Variants in MPP7 observed in about 807,000 individuals in gnomAD.
The protein encoded by MPP7 is MAGUK p55 scaffold protein 7, also known as MAGUK p55 subfamily member 7.
A neutral mutation model predicts 76.5 loss-of-function variants in MPP7; 60 were observed. The observed-to-expected ratio is 0.78, with a 90% confidence interval of 0.64 to 0.97. MPP7 has a LOEUF of 0.97. Among genes scored for constraint, MPP7 ranks in the 50% least tolerant of loss-of-function variants. The pLI is 0.00. For synonymous variants in MPP7, 237 were observed against 244.5 expected, an observed-to-expected ratio of 0.97 and a Z score of 0.29; for missense variants, 641 against 694.0, an observed-to-expected ratio of 0.92 and a Z score of 0.86.
chr10:28,248,874 T>C (rs1283908809), intron 1 of MPP7, among the ~76,000 whole-genome samples: 1 of 152,114 alleles, frequency 6.6e-6, no homozygotes, highest in African/African-American at 2.4e-5. Context: ...TTTGCCTAAG[T>C]GCACTCTAGG....
intron 2 of MPP7, among the ~76,000 whole-genome samples, chr10:28,327,744 T>G (rs1182982179): frequency 6.6e-6 from 1 of 152,216 alleles, no homozygotes; most frequent in East Asian, 1.9e-4. Flanking sequence ...TATTCCCAAA[T>G]CAGGGCCTGG....
chr10:28,150,181 C>A, intron 3 of MPP7, 122 bp from the exon 4 acceptor site: 1 of 674,046 alleles, frequency 1.5e-6, no homozygotes, highest in African/African-American at 1.8e-5. Context: ...ATGTTTATGA[C>A]ATATTACACA....
intron 2 of MPP7, among the ~76,000 whole-genome samples, chr10:28,210,761 G>A (rs1256033244): frequency 6.6e-6 from 1 of 152,174 alleles, no homozygotes; most frequent in African/African-American, 2.4e-5. Context: ...CTGGCTGTAT[G>A]AAATTATAAA....
chr10:28,234,723 C>A (rs1839010083), intron 2 of MPP7, among the ~76,000 whole-genome samples: 1 of 152,188 alleles, frequency 6.6e-6, no homozygotes, highest in Admixed American at 6.5e-5. Flanking sequence ...GGAATCCTTA[C>A]AATATACCTA....
At chr10:28,277,855 G>C (rs886838793) in intron 1 of MPP7, among the ~76,000 whole-genome samples, 1 of 151,968 alleles carries the variant, frequency 6.6e-6, no homozygotes, top group South Asian at 2.1e-4. Flanking sequence ...GGGATTCGAA[G>C]GTAAGTCCAC....
At chr10:28,054,357 T>C in intron 16 of MPP7, 113 bp from the exon 17 acceptor site, 1 of 623,988 alleles carries the variant, frequency 1.6e-6, no homozygotes. Flanking sequence ...GTTCAGTCTT[T>C]CCCCTCAGCC....
At chr10:28,118,629 A>C in intron 11 of MPP7, 9 of 985,420 alleles carry the variant, frequency 9.1e-6, no homozygotes, top group Non-Finnish European at 1.1e-5. Flanking sequence ...TGATGTCAGA[A>C]GACTTGTAGC....
In MPP7 at chr10:28,124,092, A is replaced by C; in HGVS notation, c.554T>G (p.Leu185Arg). The change falls in exon 8 of 17, where the codon CTT becomes CGT. Residue 185 changes from leucine to arginine, a missense_variant. Transcript: ENST00000683449. ...CACTGGTATCCCGTTGACTTCCCTA[A>C]GTTCATCACCAACATGAATAAGACC... is the stretch of plus-strand genomic sequence containing the variant. ...RSGLIHVGDE[L>R]REVNGIPVED... 1 of 1,611,860 alleles carries C rather than the reference A, an allele frequency of 6.2e-7. No individual in the cohort carries two copies. The highest frequency in any genetic ancestry group is 8.5e-7 in the Non-Finnish European group (1 of 1,178,070).
intron 11 of MPP7, among the ~76,000 whole-genome samples, chr10:28,111,292 A>C (rs1408232311): frequency 1.3e-5 from 2 of 152,210 alleles, no homozygotes; most frequent in African/African-American, 2.4e-5. Flanking sequence ...ATGTTTCAAA[A>C]TTATCAGTCA....
intron 11 of MPP7, among the ~76,000 whole-genome samples, chr10:28,103,664 G>C (rs563128369): frequency 1.4e-4 from 21 of 152,170 alleles, no homozygotes; most frequent in African/African-American, 5.1e-4. Flanking sequence ...AAAAGTACTA[G>C]AAAAGGAGGA....
intron 5 of MPP7, among the ~76,000 whole-genome samples, chr10:28,136,445 A>C (rs1835356731): frequency 6.6e-6 from 1 of 152,144 alleles, no homozygotes; most frequent in Non-Finnish European, 1.5e-5. Flanking sequence ...ATGACTCAAA[A>C]TTACTAGGTA....
chr10:28,062,542 ACACAC>A (rs1851831950), intron 13 of MPP7, among the ~76,000 whole-genome samples: 1 of 101,654 alleles, frequency 9.8e-6, no homozygotes, highest in Non-Finnish European at 1.8e-5. Context: ...ACACACACAC[ACACAC>A]ACACACACAC....
At chr10:28,202,306 T>TA (rs1273002115) in intron 2 of MPP7, 35 bp from the exon 3 acceptor site, 1 of 1,441,862 alleles carries the variant, frequency 6.9e-7, no homozygotes. Flanking sequence ...AGTGTAATCT[T>TA]AGAGTGATCT....
intron 2 of MPP7, among the ~76,000 whole-genome samples, chr10:28,223,318 G>A (rs920082714): frequency 1.3e-5 from 2 of 152,184 alleles, no homozygotes; most frequent in African/African-American, 2.4e-5. Flanking sequence ...TGAGGAAACA[G>A]TGCAAGAGAC....
At chr10:28,125,904 T>C (rs978743425) in intron 6 of MPP7, among the ~76,000 whole-genome samples, 24 of 152,200 alleles carry the variant, frequency 1.6e-4, no homozygotes, top group Non-Finnish European at 4.4e-5. Flanking sequence ...TGAAAGCCTT[T>C]CCATGACTTT....
chr10:28,256,005 G>A (rs1340867078), intron 1 of MPP7, among the ~76,000 whole-genome samples: 1 of 152,080 alleles, frequency 6.6e-6, no homozygotes, highest in African/African-American at 2.4e-5. Flanking sequence ...GGAATACCCT[G>A]AAAATTCTAC....
At chr10:28,084,353 C>A (rs1852905610) in intron 12 of MPP7, among the ~76,000 whole-genome samples, 2 of 152,330 alleles carry the variant, frequency 1.3e-5, no homozygotes, top group South Asian at 4.1e-4. Context: ...TCCCTGTGTG[C>A]ACAGCACCAG....
chr10:28,141,195 T>C (rs1030530327), intron 5 of MPP7, among the ~76,000 whole-genome samples: 1 of 152,108 alleles, frequency 6.6e-6, no homozygotes, highest in Non-Finnish European at 1.5e-5. Context: ...AACATAATTC[T>C]GATTTATTTT....
At chr10:28,212,480 C>G (rs1838171653) in intron 2 of MPP7, among the ~76,000 whole-genome samples, 1 of 152,166 alleles carries the variant, frequency 6.6e-6, no homozygotes, top group Non-Finnish European at 1.5e-5. Context: ...AGTGGAGATG[C>G]AGTGGGCAGT....
Sources: allele counts gnomAD v4.1 joint callset (sites outside exome capture counted in the v4.1 genomes callset), GRCh38; gene constraint gnomAD v4.1.1; transcripts MANE v1.5; gene names NCBI Gene and HGNC (gene_info 2026-07-23, HGNC 2026-07-21).